The following TAFA2 variants were observed in gnomAD, a reference collection of about 807,000 sequenced individuals.
TAFA2 encodes TAFA chemokine like family member 2.
TAFA2 carries 7 observed loss-of-function variants against 18.8 expected under a neutral mutation model. That is an observed-to-expected ratio of 0.37 (90% CI 0.21 to 0.70). The LOEUF is 0.70. Ranked by LOEUF, TAFA2 falls within the 30% of genes least tolerant of loss-of-function variation. The pLI is 0.53. For synonymous variants in TAFA2, 60 were observed against 54.2 expected (o/e 1.11, Z -0.47); for missense variants, 122 against 158.1 (o/e 0.77, Z 1.23).
chr12:61,856,985 A>G (rs1322706542), intron 2 of TAFA2, among the ~76,000 whole-genome samples: 1 of 151,778 alleles, frequency 6.6e-6, no homozygotes, highest in Non-Finnish European at 1.5e-5. Flanking sequence ...CTTAATATGA[A>G]CAGTATTTGA....
chr12:62,172,232 T>C (rs1180254056), intron 1 of TAFA2, among the ~76,000 whole-genome samples: 1 of 152,072 alleles, frequency 6.6e-6, no homozygotes, highest in African/African-American at 2.4e-5. Context: ...CCTCCCTTCC[T>C]CCCTTCCTTC....
At chr12:62,081,861 G>T (rs1462989060) in intron 1 of TAFA2, among the ~76,000 whole-genome samples, 1 of 152,044 alleles carries the variant, frequency 6.6e-6, no homozygotes, top group Non-Finnish European at 1.5e-5. Context: ...CGTGTGCCAT[G>T]GTGGTTTGCT....
At chr12:62,211,373 C>T (rs936331106) in intron 1 of TAFA2, among the ~76,000 whole-genome samples, 7 of 151,982 alleles carry the variant, frequency 4.6e-5, no homozygotes, top group Non-Finnish European at 1.0e-4. Flanking sequence ...GAGGTCAGGA[C>T]ATCGAGACCA....
intron 1 of TAFA2, among the ~76,000 whole-genome samples, chr12:61,870,411 T>G (rs1197223135): frequency 1.3e-5 from 2 of 152,210 alleles, no homozygotes; most frequent in Non-Finnish European, 2.9e-5. Flanking sequence ...TAAATTTTGT[T>G]GACTAAATGT....
chr12:61,733,586 T>C (rs1026078523), intron 4 of TAFA2, among the ~76,000 whole-genome samples: 18 of 148,014 alleles, frequency 1.2e-4, no homozygotes, highest in Non-Finnish European at 1.8e-4. Flanking sequence ...TAGTTGTAGA[T>C]ATGCGGCGTT....
At chr12:62,065,468 A>G (rs978588996) in intron 1 of TAFA2, among the ~76,000 whole-genome samples, 3 of 152,064 alleles carry the variant, frequency 2.0e-5, no homozygotes, top group Non-Finnish European at 4.4e-5. Flanking sequence ...ACCAATGAAA[A>G]TACCAAAACA....
chr12:62,074,302 T>C (rs113101385), intron 1 of TAFA2, among the ~76,000 whole-genome samples: 1 of 152,220 alleles, frequency 6.6e-6, no homozygotes, highest in Non-Finnish European at 1.5e-5. Flanking sequence ...TACTTTATTT[T>C]TGCATCACAA....
chr12:61,998,323 A>T (rs914842485), intron 1 of TAFA2, among the ~76,000 whole-genome samples: 10 of 152,296 alleles, frequency 6.6e-5, no homozygotes, highest in African/African-American at 2.4e-4. Context: ...TTTCCAGAAA[A>T]CTTTATTTTT....
intron 1 of TAFA2, among the ~76,000 whole-genome samples, chr12:62,015,177 C>A (rs1008226833): frequency 2.0e-5 from 3 of 152,166 alleles, no homozygotes; most frequent in African/African-American, 4.8e-5. Context: ...CTTTTTCCTT[C>A]TTATAATTTA....
At chr12:61,906,216 G>C (rs1876343743) in intron 1 of TAFA2, among the ~76,000 whole-genome samples, 1 of 152,178 alleles carries the variant, frequency 6.6e-6, no homozygotes, top group Non-Finnish European at 1.5e-5. Context: ...TGGTTTGGCT[G>C]TGTCCCCACC....
chr12:61,892,131 T>C (rs923215155), intron 1 of TAFA2, among the ~76,000 whole-genome samples: 3 of 151,698 alleles, frequency 2.0e-5, no homozygotes, highest in Admixed American at 6.6e-5. Context: ...TGATATACTT[T>C]GGATATACAG....
At chr12:61,936,733 A>G (rs1877785215) in intron 1 of TAFA2, among the ~76,000 whole-genome samples, 1 of 152,192 alleles carries the variant, frequency 6.6e-6, no homozygotes, top group Admixed American at 6.5e-5. Context: ...AAAAGTTGAA[A>G]CTATTTCCCC....
At chr12:62,006,535 A>C (rs1415004334) in intron 1 of TAFA2, among the ~76,000 whole-genome samples, 1 of 152,162 alleles carries the variant, frequency 6.6e-6, no homozygotes, top group African/African-American at 2.4e-5. Context: ...GAATAGTAAT[A>C]TTTATATTTG....
intron 2 of TAFA2, among the ~76,000 whole-genome samples, chr12:61,762,312 TAC>T (rs1869587973): frequency 6.6e-6 from 1 of 152,066 alleles, no homozygotes; most frequent in Admixed American, 6.6e-5. Context: ...TCACTGTCCT[TAC>T]ACATAGTGCT....
At chr12:61,855,228 A>G (rs1366446567) in intron 2 of TAFA2, among the ~76,000 whole-genome samples, 2 of 152,174 alleles carry the variant, frequency 1.3e-5, no homozygotes, top group Non-Finnish European at 2.9e-5. Flanking sequence ...GAGAACACTC[A>G]TTTCAGCCAT....
intron 1 of TAFA2, among the ~76,000 whole-genome samples, chr12:61,977,099 G>A (rs1306762885): frequency 6.6e-6 from 1 of 151,738 alleles, no homozygotes; most frequent in Admixed American, 6.6e-5. Flanking sequence ...GAGAAAATGG[G>A]GTCATTTAAA....
chr12:61,712,502 AACAT>A (rs771656928), intron 4 of TAFA2, among the ~76,000 whole-genome samples: 100 of 152,148 alleles, frequency 6.6e-4, no homozygotes, highest in Non-Finnish European at 1.2e-3. Flanking sequence ...CACACACATA[AACAT>A]ACAAACACAT....
At chr12:61,836,877 G>C (rs1423359507) in intron 2 of TAFA2, among the ~76,000 whole-genome samples, 1 of 150,546 alleles carries the variant, frequency 6.6e-6, no homozygotes, top group Non-Finnish European at 1.5e-5. Flanking sequence ...TGAATTCCCT[G>C]CTGACCTTTA....
chr12:62,021,231 A>G (rs1395324683), intron 1 of TAFA2, among the ~76,000 whole-genome samples: 1 of 152,232 alleles, frequency 6.6e-6, no homozygotes, highest in African/African-American at 2.4e-5. Flanking sequence ...CTTGGGACAC[A>G]TAGCCCAAAT....
Sources: gnomAD v4.1 joint callset for allele counts (sites outside exome capture counted in the v4.1 genomes callset) on GRCh38, gnomAD v4.1.1 for gene constraint, MANE v1.5 for transcripts, NCBI Gene and HGNC (gene_info 2026-07-23, HGNC 2026-07-21) for gene names.